The following NWD1 variants were observed in gnomAD, a reference collection of about 807,000 sequenced individuals.
The protein encoded by NWD1 is NACHT and WD repeat domain containing 1, also known as NACHT domain- and WD repeat-containing protein 1.
Under a neutral mutation model 135.1 loss-of-function variants are expected in NWD1, and 129 were observed. The observed-to-expected ratio is 0.96, with a 90% CI of 0.83 to 1.11. NWD1 has a LOEUF of 1.11. NWD1 is among the 50% of genes least tolerant of loss of function. The pLI is 0.00. For synonymous variants in NWD1, 773 were observed against 786.0 expected (o/e 0.98, Z 0.28); for missense variants, 1,740 against 1,851.3 (o/e 0.94, Z 1.10).
chr19:16,773,104 A>T, intron 10 of NWD1, 22 bp from the exon 11 acceptor site: 1 of 1,610,458 alleles, frequency 6.2e-7, no homozygotes, highest in Non-Finnish European at 8.5e-7. Context: ...CAGGCAACTT[A>T]GTCTACATCC....
rs151185118 is a variant in NWD1 at position 16,792,360 on chromosome 19, G to A, written c.3213+738G>A. Among the ~76,000 whole-genome samples the A allele has an allele frequency of 5.0e-3, 754 of 152,084 alleles. 5 individuals carry two copies. The highest frequency in any genetic ancestry group is 0.017 in the African/African-American group (694 of 41,510). On this transcript the variant is annotated intron_variant, in intron 14 of 18. Coordinates refer to ENST00000524140, the MANE Select transcript of NWD1 (RefSeq NM_001007525.5). ...AGTTCGAGACCAGCCTGGCCAACAT[G>A]GCAAAACCCTGTCTTTACTAAAAGT...
At chr19:16,741,560 G>A (rs1231424898) in intron 4 of NWD1, among the ~76,000 whole-genome samples, 3 of 151,460 alleles carry the variant, frequency 2.0e-5, no homozygotes, top group African/African-American at 7.3e-5. Context: ...ATAGATATGG[G>A]GTTTCGCTAT....
At chr19:16,749,095 C>A in intron 5 of NWD1, 44 bp from the exon 6 acceptor site, 2 of 1,493,744 alleles carry the variant, frequency 1.3e-6, no homozygotes, top group African/African-American at 1.4e-5. Flanking sequence ...AGCTGCTGAC[C>A]CAATAATGAC....
intron 5 of NWD1, among the ~76,000 whole-genome samples, chr19:16,745,713 C>T (rs1029967833): frequency 2.0e-5 from 3 of 150,006 alleles, no homozygotes; most frequent in African/African-American, 7.4e-5. Context: ...GCACTCCAGC[C>T]GGGGTTACAG....
At chr19:16,776,481 T>C (rs1221947993) in intron 11 of NWD1, among the ~76,000 whole-genome samples, 1 of 151,622 alleles carries the variant, frequency 6.6e-6, no homozygotes, top group African/African-American at 2.4e-5. Context: ...GGCAGGAGAA[T>C]TGCTTGAAAC....
At chr19:16,748,163 T>C (rs1968401929) in intron 5 of NWD1, among the ~76,000 whole-genome samples, 1 of 152,060 alleles carries the variant, frequency 6.6e-6, no homozygotes, top group Non-Finnish European at 1.5e-5. Context: ...TTTGTATTTT[T>C]AGTAGTGACA....
intron 10 of NWD1, among the ~76,000 whole-genome samples, chr19:16,767,475 C>T (rs992343393): frequency 5.3e-5 from 8 of 152,046 alleles, no homozygotes; most frequent in Middle Eastern, 6.8e-3. Flanking sequence ...ATTTGTCAGG[C>T]GTGGTGGCAC....
chr19:16,805,876 C>T (rs2608724), intron 17 of NWD1, among the ~76,000 whole-genome samples: 20,587 of 147,844 alleles, frequency 0.14, 2,998 homozygotes, highest in African/African-American at 0.37. Flanking sequence ...TTCTTTTCTT[C>T]TTTTTTTTTT....
At chr19:16,810,323 G>A (rs371234235) in intron 18 of NWD1, among the ~76,000 whole-genome samples, 16 of 151,662 alleles carry the variant, frequency 1.1e-4, no homozygotes, top group Middle Eastern at 6.8e-3. Flanking sequence ...CTGTAATCCC[G>A]GCTACCCGGG....
intron 4 of NWD1, chr19:16,738,160 T>A (rs1368886725): frequency 2.3e-6 from 1 of 437,450 alleles, no homozygotes; most frequent in Non-Finnish European, 4.6e-6. Flanking sequence ...TGGCAGAGTT[T>A]AGTCGTTCTG....
intron 4 of NWD1, among the ~76,000 whole-genome samples, chr19:16,742,537 T>C (rs1238746019): frequency 1.3e-5 from 2 of 151,954 alleles, no homozygotes; most frequent in African/African-American, 2.4e-5. Flanking sequence ...GGCCCCTGTT[T>C]CCATGATAAT....
At chr19:16,745,676 G>T (rs1343280185) in intron 5 of NWD1, among the ~76,000 whole-genome samples, 2 of 152,092 alleles carry the variant, frequency 1.3e-5, no homozygotes, top group Non-Finnish European at 2.9e-5. Context: ...GGAGGCAGAG[G>T]CTGTGGTAAG....
At chr19:16,774,876 T>C (rs1219728007) in intron 11 of NWD1, among the ~76,000 whole-genome samples, 1 of 152,064 alleles carries the variant, frequency 6.6e-6, no homozygotes, top group East Asian at 1.9e-4. Context: ...TCCACACACT[T>C]AGCCATTCAT....
chr19:16,803,660 T>TA (rs1277910660), intron 17 of NWD1, among the ~76,000 whole-genome samples: 1 of 151,332 alleles, frequency 6.6e-6, no homozygotes, highest in African/African-American at 2.4e-5. Context: ...CTCACACCTG[T>TA]AATCCCAGAA....
chr19:16,749,068 G>A lies in NWD1; in HGVS notation c.497-71G>A, dbSNP rs1044586227. ...ACATCCCCCAACAACAGGTCTCCCA[G>A]CAACCCCATTTAGGTCAGCTGCTGA... On this transcript the variant is annotated intron_variant, in intron 5 of 18. Transcript: ENST00000524140. The A allele has an allele frequency of 6.4e-6, 8 of 1,247,220 alleles. No homozygotes were observed. In the African/African-American group the frequency reaches 1.1e-4, roughly 16 times the overall value. 77.3% of individuals were successfully genotyped at this position (1,247,220 alleles called of 1,614,324 possible). A position where few individuals can be genotyped will look rare whatever the true frequency, so the allele number is the denominator to read the frequency against.
intron 4 of NWD1, among the ~76,000 whole-genome samples, chr19:16,738,845 T>C (rs929718918): frequency 6.9e-5 from 10 of 144,016 alleles, no homozygotes; most frequent in Non-Finnish European, 1.2e-4. Context: ...TTATATATTA[T>C]ATATAATACA....
intron 1 of NWD1, among the ~76,000 whole-genome samples, chr19:16,723,507 T>C (rs1967212798): frequency 6.6e-6 from 1 of 151,876 alleles, no homozygotes; most frequent in Admixed American, 6.6e-5. Context: ...AGAGACACTG[T>C]CTCCCTGTGT....
intron 2 of NWD1, among the ~76,000 whole-genome samples, chr19:16,726,642 G>A (rs563760678): frequency 4.0e-4 from 61 of 151,958 alleles, no homozygotes; most frequent in African/African-American, 1.4e-3. Flanking sequence ...GTTTCACCAT[G>A]TTGGCCAGGC....
At chr19:16,782,502 GAGA>G (rs1385515025) in intron 12 of NWD1, among the ~76,000 whole-genome samples, 3 of 151,684 alleles carry the variant, frequency 2.0e-5, no homozygotes, top group Non-Finnish European at 4.4e-5. Flanking sequence ...GGTGGGGGTG[GAGA>G]AGGTCTAAAG....
Sources: gnomAD v4.1 joint callset for allele counts (sites outside exome capture counted in the v4.1 genomes callset) on GRCh38, gnomAD v4.1.1 for gene constraint, MANE v1.5 for transcripts, NCBI Gene and HGNC (gene_info 2026-07-23, HGNC 2026-07-21) for gene names.